RUVBL2: variants seen among roughly 807,000 people sequenced by gnomAD.
The protein encoded by RUVBL2 is RuvB like AAA ATPase 2, also known as ruvB-like 2.
A neutral mutation model predicts 57.9 loss-of-function variants in RUVBL2; 9 were observed. That is an observed-to-expected ratio of 0.16 (90% CI 0.09 to 0.27). RUVBL2 has a LOEUF of 0.27. Among genes scored for constraint, RUVBL2 ranks in the 10% least tolerant of loss-of-function variants. The probability of loss-of-function intolerance (pLI) is 1.00; values close to 1 mark genes in which losing one functional copy is unlikely to be tolerated. For synonymous variants in RUVBL2, 278 were observed against 264.6 expected, an observed-to-expected ratio of 1.05 and a Z score of -0.49; for missense variants, 456 against 669.6, an observed-to-expected ratio of 0.68 and a Z score of 3.52.
chr19:48,993,889 G>A lies in RUVBL2; in HGVS notation c.-23G>A. 1.9e-6 allele frequency: 3 copies of A among 1,614,134 alleles called. No homozygotes were observed. The highest frequency in any genetic ancestry group is 2.5e-6 in the Non-Finnish European group (3 of 1,180,024). ...CCTCGCGCGTTTCCGTTTCCGCTAG[G>A]ACTCTGGCAGTTGGTGAGCATCATG... On this transcript the variant is annotated 5_prime_UTR_variant, in exon 1 of 15. Coordinates refer to ENST00000595090, the MANE Select transcript of RUVBL2 (RefSeq NM_006666.3).
At chr19:49,006,871 T>A in intron 4 of RUVBL2, 147 bp from the exon 5 acceptor site, 1 of 1,024,994 alleles carries the variant, frequency 9.8e-7, no homozygotes, top group East Asian at 2.6e-5. Flanking sequence ...TCCCCAGCGC[T>A]CTGCTCAGCT....
At chr19:49,000,744 A>G (rs530954804) in intron 2 of RUVBL2, among the ~76,000 whole-genome samples, 1 of 151,918 alleles carries the variant, frequency 6.6e-6, no homozygotes, top group East Asian at 1.9e-4. Flanking sequence ...GCATGCCTAT[A>G]GTCCCAGCTA....
chr19:49,015,258 G>A (rs990764761), intron 13 of RUVBL2, 108 bp downstream of exon 13: 173 of 1,457,020 alleles, frequency 1.2e-4, no homozygotes, highest in Admixed American at 2.4e-4. Flanking sequence ...GTTTTCAGAC[G>A]CAGGGAATTT....
chr19:48,993,520 GGCCTTCA>G, upstream of RUVBL2: 1 of 438,440 alleles, frequency 2.3e-6, no homozygotes. Context: ...GGAAACGAGT[GGCCTTCA>G]GCTCTGTCAA....
rs1453427859 is a variant in RUVBL2, at chr19:49,015,007, C to G, written c.1122-14C>G. The G allele has an allele frequency of 6.3e-7, 1 of 1,588,290 alleles. No individual in the cohort carries two copies. The highest frequency in any genetic ancestry group is 8.6e-7 in the Non-Finnish European group (1 of 1,168,506). On this transcript the variant is annotated splice_polypyrimidine_tract_variant and intron_variant, in intron 12 of 14. Coordinates refer to ENST00000595090, the MANE Select transcript of RUVBL2 (RefSeq NM_006666.3). ...GGCCCCGGCTGAGCCACCCCTGTCCCCCACTGCTTGCAGGTGCGAGGAAGA... is the reference window on the plus strand; with the variant it reads ...GGCCCCGGCTGAGCCACCCCTGTCCGCCACTGCTTGCAGGTGCGAGGAAGA...
chr19:49,009,443 T>C (rs113328808), intron 6 of RUVBL2, among the ~76,000 whole-genome samples: 15,714 of 150,194 alleles, frequency 0.1, 926 homozygotes, highest in African/African-American at 0.16. Context: ...GCCGAGATCA[T>C]GCTACTACAC....
In RUVBL2 at chr19:49,004,344, G is replaced by A. The variant is rs556480578; in HGVS notation, c.191G>A (p.Arg64Gln). The change falls in exon 4 of 15, where the codon CGG becomes CAG. Residue 64 changes from arginine to glutamine, a missense_variant. This residue lies in a region of RUVBL2 where 233 missense variants were observed against 306.0 expected (regional missense o/e 0.76). Coordinates refer to ENST00000595090, the MANE Select transcript of RUVBL2 (RefSeq NM_006666.3). ...GCTGGCGTGGTGCTGGAGATGATCC[G>A]GGAAGGGAAGATTGCCGGTCGGGCA... ...RAAGVVLEMI[R>Q]EGKIAGRAVL... The A allele has an allele frequency of 5.6e-6, 9 of 1,612,500 alleles. No individual in the cohort carries two copies. The highest frequency in any genetic ancestry group is 4.4e-5 in the South Asian group (4 of 91,038).
At chr19:48,994,136 G>T (rs1379940365) in intron 1 of RUVBL2, 1 of 598,838 alleles carries the variant, frequency 1.7e-6, no homozygotes, top group South Asian at 2.0e-5. Context: ...GGAGGGGGCT[G>T]GGATCCCAGA....
Position 49,010,482 on chromosome 19 carries a change from C to CCCCACAACAA in RUVBL2, c.664-5_664-4insCCACAACAAC. On this transcript the variant is annotated splice_polypyrimidine_tract_variant and splice_region_variant and intron_variant, in intron 8 of 14. Coordinates refer to ENST00000595090, the MANE Select transcript of RUVBL2 (RefSeq NM_006666.3). ...CCGCCGTTCTTCCCCCACCCCCGCC[C>CCCCACAACAA]CATAGACCAAGTTCGTGCAGTGCCC... 2 of 1,605,480 alleles carry CCCCACAACAA rather than the reference C, an allele frequency of 1.2e-6. No homozygotes were observed. Among genetic ancestry groups the CCCCACAACAA allele is most frequent in the Non-Finnish European group, 1.7e-6 (2 of 1,173,114 alleles).
At position 49,009,967 on chromosome 19, in the gene RUVBL2, CT is replaced by C; in HGVS notation, c.570-5del. The C allele has an allele frequency of 6.2e-7, 1 of 1,604,816 alleles. No homozygotes were observed. Among genetic ancestry groups the C allele is most frequent in the African/African-American group, 1.3e-5 (1 of 74,882 alleles). The stretch of plus-strand genomic sequence containing the variant: ...TTTCCTTACCCTACCCCCCATCCCC[CT>C]GTAGGGACGTGATCACCATCGACAA... On this transcript the variant is annotated splice_polypyrimidine_tract_variant and splice_region_variant and intron_variant, in intron 7 of 14. Coordinates refer to ENST00000595090, the MANE Select transcript of RUVBL2 (RefSeq NM_006666.3).
At chr19:49,015,454 T>C (rs1465682107) in intron 13 of RUVBL2, 118 bp from the exon 14 acceptor site, 5 of 853,486 alleles carry the variant, frequency 5.9e-6, no homozygotes, top group Non-Finnish European at 9.7e-6. Context: ...TGGCCCAGAA[T>C]GCCCTCCCCT....
Position 49,007,087 on chromosome 19 carries a change from A to G in RUVBL2, c.335A>G (p.Glu112Gly). 6.2e-7 allele frequency: 1 copy of G among 1,613,282 alleles called. No homozygotes were observed. The highest frequency in any genetic ancestry group is 8.5e-7 in the Non-Finnish European group (1 of 1,180,034). ...GCCGGCAGTGAAATCTTCTCCCTGG[A>G]GATGAGCAAGACCGAGGCGCTGACG... ...AIAGSEIFSL[E>G]MSKTEALTQA... The change falls in exon 5 of 15, where the codon GAG becomes GGG. Residue 112 changes from glutamate to glycine, a missense_variant. Transcript: ENST00000595090.
At chr19:49,007,280 C>T in intron 5 of RUVBL2, 22 bp from the exon 6 acceptor site, 1 of 1,612,726 alleles carries the variant, frequency 6.2e-7, no homozygotes, top group Non-Finnish European at 8.5e-7. Context: ...AGGCTGTCTC[C>T]TCAGATCTGC....
At position 49,011,078 on chromosome 19, in the gene RUVBL2, G is replaced by A. The variant is rs370402624; in HGVS notation, c.867G>A (p.Ala289=). 196 of 1,613,154 alleles carry A rather than the reference G, an allele frequency of 1.2e-4. No individual in the cohort carries two copies. In the African/African-American group the frequency reaches 1.4e-3, roughly 12 times the overall value. ...KVAEWREEGK[A]EIIPGVLFID... is the part of the protein sequence containing the mutation. The stretch of plus-strand genomic sequence containing the variant: ...CTGAGTGGCGCGAGGAGGGCAAGGC[G>A]GAGATCATCCCTGGAGTGAGGACCC... The change falls in exon 10 of 15, where the codon GCG becomes GCA. Residue 289 remains alanine (A), a synonymous_variant. Coordinates refer to ENST00000595090, the MANE Select transcript of RUVBL2 (RefSeq NM_006666.3). The surrounding 1 kb of genome is among the most constrained non-coding windows in gnomAD (Gnocchi z 4.4).
intron 6 of RUVBL2, among the ~76,000 whole-genome samples, chr19:49,008,932 T>C (rs1018032717): frequency 1.3e-5 from 2 of 150,992 alleles, no homozygotes; most frequent in African/African-American, 4.9e-5. Flanking sequence ...TAAGCCGAGA[T>C]CACACCATTG....
At chr19:49,010,903 C>A in intron 9 of RUVBL2, 96 bp from the exon 10 acceptor site, 1 of 1,132,964 alleles carries the variant, frequency 8.8e-7, no homozygotes, top group Non-Finnish European at 1.3e-6. Flanking sequence ...TCCCCTTCCT[C>A]CATCCCTGGC....
In RUVBL2 at chr19:49,011,137, T is replaced by C. The variant is rs1443190422; in HGVS notation, c.882+44T>C. Reference sequence around the variant, plus strand: ...GCCGGGGCGGGTGGTGGGGTGGAGGTGGGCCGGGGAAGTGGGGACGCGGGT... The same window carrying C: ...GCCGGGGCGGGTGGTGGGGTGGAGGCGGGCCGGGGAAGTGGGGACGCGGGT... On this transcript the variant is annotated intron_variant, in intron 10 of 14. Transcript: ENST00000595090. This position sits in a 1 kb window ranked among gnomAD's most constrained non-coding sequence, Gnocchi z 4.4. 5 of 835,994 alleles carry C rather than the reference T, an allele frequency of 6.0e-6. No homozygotes were observed. In the East Asian group the frequency reaches 1.8e-4, roughly 30 times the overall value. The allele number at this position is 835,994 out of a possible 1,614,324, so 51.8% of individuals were successfully genotyped here.
At chr19:49,015,540 G>C (rs1396472825) in intron 13 of RUVBL2, 32 bp from the exon 14 acceptor site, 1 of 1,519,122 alleles carries the variant, frequency 6.6e-7, no homozygotes, top group East Asian at 2.3e-5. Flanking sequence ...CACGGAGAGG[G>C]GCCCAACTGA....
chr19:48,999,178 G>C (rs974549000), intron 1 of RUVBL2, 141 bp from the exon 2 acceptor site: 2 of 854,826 alleles, frequency 2.3e-6, no homozygotes, highest in Non-Finnish European at 4.0e-6. Flanking sequence ...AGGCAAGAGG[G>C]GTGGGGGTGA....
Sources: allele counts gnomAD v4.1 joint callset (sites outside exome capture counted in the v4.1 genomes callset), GRCh38; gene constraint gnomAD v4.1.1; regional missense constraint gnomAD v4.1.1; non-coding constraint Gnocchi (gnomAD v3.1); transcripts MANE v1.5; gene names NCBI Gene and HGNC (gene_info 2026-07-23, HGNC 2026-07-21).